Variants in JAKMIP3 observed in about 807,000 individuals in gnomAD.
The protein encoded by JAKMIP3 is janus kinase and microtubule-interacting protein 3.
A neutral mutation model predicts 118.5 loss-of-function variants in JAKMIP3; 58 were observed. The ratio of observed to expected loss-of-function variants is 0.49; its 90% confidence interval spans 0.40 to 0.61. The LOEUF (loss-of-function observed/expected upper bound fraction) is 0.61, where lower values mean the gene tolerates loss of function less well. JAKMIP3 is among the 20% of genes least tolerant of loss of function. The pLI, the probability that JAKMIP3 is intolerant of heterozygous loss-of-function variation, is 0.00. For synonymous variants in JAKMIP3, 486 were observed against 451.2 expected (o/e 1.08, Z -0.98); for missense variants, 950 against 1,109.0 (o/e 0.86, Z 2.04).
chr10:132,166,801 C>A (rs2058954581), intron 21 of JAKMIP3, among the ~76,000 whole-genome samples, 182 bp from the exon 22 acceptor site: 1 of 152,144 alleles, frequency 6.6e-6, no homozygotes, highest in African/African-American at 2.4e-5. Context: ...GCGGCACCAC[C>A]CCTCAGACCC....
intron 1 of JAKMIP3, among the ~76,000 whole-genome samples, chr10:132,047,396 G>T (rs2037949302): frequency 6.6e-6 from 1 of 152,238 alleles, no homozygotes; most frequent in South Asian, 2.1e-4. Context: ...AGCTCAAAGT[G>T]GAGGAGTAGG....
At chr10:132,114,338 C>A (rs1356087435) in intron 2 of JAKMIP3, among the ~76,000 whole-genome samples, 1 of 152,260 alleles carries the variant, frequency 6.6e-6, no homozygotes, top group African/African-American at 2.4e-5. Context: ...CTTCATCTTC[C>A]CAAGTAGCTG....
In JAKMIP3 at chr10:132,153,068, G is replaced by A. The variant is rs2056507435; in HGVS notation, c.2073+45G>A. 4.7e-6 allele frequency: 7 copies of A among 1,483,680 alleles called. No individual in the cohort carries two copies. In the South Asian group the frequency reaches 6.0e-5, roughly 13 times the overall value. 91.9% of individuals were successfully genotyped at this position (1,483,680 alleles called of 1,614,324 possible). A position where few individuals can be genotyped will look rare whatever the true frequency, so the allele number is the denominator to read the frequency against. ...CAGTCGGGAGAGGGCCGGGCTCCTG[G>A]GGTCTCCTGCCCTGCTCAGCTCAGA... On this transcript the variant is annotated intron_variant, in intron 17 of 23. Transcript: ENST00000684848.
In JAKMIP3 at chr10:132,156,731, C is replaced by T. The variant is rs77758917; in HGVS notation, c.2220+2741C>T. ...TGCCATCTGGTCTCCTAGACCAGCA[C>T]GAGGCCTGGCAGGCAGCAGGTGCTT... is the stretch of plus-strand genomic sequence containing the variant. On this transcript the variant is annotated intron_variant, in intron 19 of 23. Transcript: ENST00000684848. 5.3e-3 allele frequency among the ~76,000 whole-genome samples: 805 copies of T among 152,238 alleles called. 10 individuals carry two copies. Among genetic ancestry groups the T allele is most frequent in the African/African-American group, 0.019 (777 of 41,536 alleles).
At chr10:132,055,245 CTT>C (rs1156659999) in intron 1 of JAKMIP3, among the ~76,000 whole-genome samples, 1 of 152,158 alleles carries the variant, frequency 6.6e-6, no homozygotes, top group African/African-American at 2.4e-5. Context: ...CAATAGAACT[CTT>C]TTCAAGACCT....
intron 1 of JAKMIP3, among the ~76,000 whole-genome samples, chr10:132,078,845 G>A (rs1454539481): frequency 1.3e-5 from 2 of 152,228 alleles, no homozygotes. Flanking sequence ...CTCTTCTGTC[G>A]TGCTGCCACT....
intron 13 of JAKMIP3, 120 bp downstream of exon 13, chr10:132,145,700 GC>G: frequency 3.7e-6 from 3 of 818,374 alleles, no homozygotes; most frequent in South Asian, 3.3e-5. Context: ...GCTGTCCCAG[GC>G]CCCTTCTGCT....
intron 1 of JAKMIP3, among the ~76,000 whole-genome samples, chr10:132,059,081 G>A (rs994363471): frequency 1.3e-5 from 2 of 152,232 alleles, no homozygotes; most frequent in Non-Finnish European, 2.9e-5. Context: ...TCGCGCGGAC[G>A]ACAAACGCGA....
chr10:132,053,994 C>T (rs886718629), intron 1 of JAKMIP3, among the ~76,000 whole-genome samples: 9 of 143,078 alleles, frequency 6.3e-5, no homozygotes, highest in African/African-American at 1.6e-4. Context: ...GAGCTGAGAT[C>T]GTGCCACTGC....
intron 23 of JAKMIP3, among the ~76,000 whole-genome samples, chr10:132,180,570 T>TGCGTGC (rs1325845020): frequency 0.015 from 296 of 19,952 alleles, 104 homozygotes; most frequent in African/African-American, 0.053. Flanking sequence ...TGTGTGTGCG[T>TGCGTGC]GTGTGTGTGC....
At position 132,168,685 on chromosome 10, in the gene JAKMIP3, G is replaced by T; in HGVS notation, c.*755G>T. The T allele has an allele frequency of 3.1e-6, 1 of 324,038 alleles. No homozygotes were observed. Among genetic ancestry groups the T allele is most frequent in the Non-Finnish European group, 6.0e-6 (1 of 167,248 alleles). 20.1% of individuals were successfully genotyped at this position (324,038 alleles called of 1,614,324 possible). A position where few individuals can be genotyped will look rare whatever the true frequency, so the allele number is the denominator to read the frequency against. On this transcript the variant is annotated 3_prime_UTR_variant, in exon 23 of 24. Transcript: ENST00000684848. ...AAGATCCCGCCCAAGCCGCCAGCTG[G>T]GAGCACCGCGGGACTGAGCCAAGGA...
At chr10:132,075,271 C>T (rs2040599060) in intron 1 of JAKMIP3, among the ~76,000 whole-genome samples, 2 of 152,002 alleles carry the variant, frequency 1.3e-5, no homozygotes, top group Non-Finnish European at 2.9e-5. Context: ...GATTATACTT[C>T]TCTTTTAACT....
chr10:132,066,647 GA>G (rs2038836082), intron 1 of JAKMIP3, among the ~76,000 whole-genome samples: 1 of 152,186 alleles, frequency 6.6e-6, no homozygotes, highest in Non-Finnish European at 1.5e-5. Context: ...ACTTAATCAA[GA>G]ATCACACATC....
chr10:132,042,226 C>CTTCCT (rs1564848173), intron 1 of JAKMIP3, among the ~76,000 whole-genome samples: 5 of 146,770 alleles, frequency 3.4e-5, no homozygotes, highest in African/African-American at 1.0e-4. Flanking sequence ...TTCTTTCCTC[C>CTTCCT]TCCTCCTTTC....
At chr10:132,124,606 C>A (rs992688939) in intron 3 of JAKMIP3, among the ~76,000 whole-genome samples, 1 of 151,784 alleles carries the variant, frequency 6.6e-6, no homozygotes, top group Non-Finnish European at 1.5e-5. Context: ...ACATCACAGC[C>A]GAGCCAGCCA....
intron 15 of JAKMIP3, among the ~76,000 whole-genome samples, chr10:132,149,722 C>CTACCCCT (rs201968789): frequency 9.6e-4 from 1 of 1,042 alleles, no homozygotes; most frequent in Admixed American, 0.01. Context: ...ACCCCTACCC[C>CTACCCCT]CCCACCTCAC....
At chr10:132,146,883 G>A (rs959331239) in intron 13 of JAKMIP3, among the ~76,000 whole-genome samples, 1 of 152,188 alleles carries the variant, frequency 6.6e-6, no homozygotes, top group African/African-American at 2.4e-5. Flanking sequence ...CGTAAATGCC[G>A]GCACAGGCAG....
chr10:132,134,898 G>T, intron 4 of JAKMIP3, 143 bp from the exon 5 acceptor site: 3 of 1,045,164 alleles, frequency 2.9e-6, no homozygotes, highest in Admixed American at 2.4e-5. Context: ...TCCCCGGGGG[G>T]CTCCGAACCT....
intron 1 of JAKMIP3, among the ~76,000 whole-genome samples, chr10:132,072,527 C>T (rs1354557518): frequency 6.6e-6 from 1 of 152,072 alleles, no homozygotes; most frequent in African/African-American, 2.4e-5. Context: ...AGATCAACAG[C>T]CTGTCTCAAA....
Sources: allele counts gnomAD v4.1 joint callset (sites outside exome capture counted in the v4.1 genomes callset), GRCh38; gene constraint gnomAD v4.1.1; transcripts MANE v1.5; gene names NCBI Gene and HGNC (gene_info 2026-07-23, HGNC 2026-07-21).